The following RFFL variants were observed in gnomAD, a reference collection of about 807,000 sequenced individuals.
RFFL encodes the protein E3 ubiquitin-protein ligase rififylin.
RFFL carries 16 observed loss-of-function variants against 40.4 expected under a neutral mutation model. That is an observed-to-expected ratio of 0.40 (90% CI 0.27 to 0.60). The LOEUF (loss-of-function observed/expected upper bound fraction) is 0.60. RFFL is among the 20% of genes least tolerant of loss of function. The pLI, the probability that RFFL is intolerant of heterozygous loss-of-function variation, is 0.47. For missense variants in RFFL, 367 were observed against 451.7 expected (o/e 0.81, Z 1.70); for synonymous variants, 154 against 167.9 (o/e 0.92, Z 0.64).
chr17:35,037,285 A>G (rs1007197903), intron 1 of RFFL, among the ~76,000 whole-genome samples: 1 of 152,238 alleles, frequency 6.6e-6, no homozygotes, highest in African/African-American at 2.4e-5. Flanking sequence ...TATTTCTGGA[A>G]TGGTTAAAAG....
At chr17:35,058,846 T>A (rs982188885) in intron 1 of RFFL, among the ~76,000 whole-genome samples, 1 of 151,988 alleles carries the variant, frequency 6.6e-6, no homozygotes, top group Non-Finnish European at 1.5e-5. Flanking sequence ...CCTCTATCCT[T>A]TAGAGGTGAA....
intron 1 of RFFL, among the ~76,000 whole-genome samples, chr17:35,045,308 C>CTG (rs1031541925): frequency 4.6e-5 from 7 of 152,024 alleles, no homozygotes; most frequent in African/African-American, 1.7e-4. Context: ...TCTCAGATCA[C>CTG]TGCAACCTCC....
intron 1 of RFFL, among the ~76,000 whole-genome samples, chr17:35,060,258 C>T (rs1037979662): frequency 1.3e-5 from 2 of 152,220 alleles, no homozygotes; most frequent in Non-Finnish European, 2.9e-5. Context: ...ACAACCAGGG[C>T]CTTCCCATAG....
chr17:35,088,329 T>TC (rs1294118567), intron 1 of RFFL, among the ~76,000 whole-genome samples: 3 of 151,948 alleles, frequency 2.0e-5, no homozygotes, highest in East Asian at 3.9e-4. Context: ...GCAGTCTTCT[T>TC]CCCCCCTAGA....
chr17:35,054,598 CTTTA>C (rs1321718724), intron 1 of RFFL, among the ~76,000 whole-genome samples: 1 of 150,080 alleles, frequency 6.7e-6, no homozygotes, highest in East Asian at 2.0e-4. Context: ...AATCAGAAGA[CTTTA>C]TTTAACTGGG....
chr17:35,064,958 G>A (rs1200000102), upstream of RFFL, among the ~76,000 whole-genome samples: 1 of 152,106 alleles, frequency 6.6e-6, no homozygotes, highest in Non-Finnish European at 1.5e-5. Flanking sequence ...CTTTGATAAG[G>A]TATTATAAAA....
intron 1 of RFFL, among the ~76,000 whole-genome samples, chr17:35,063,129 T>C (rs2091302809): frequency 6.6e-6 from 1 of 152,150 alleles, no homozygotes. Context: ...AGTGATTTAA[T>C]TGGACCTAAC....
At chr17:35,033,401 G>A (rs1464401158) in intron 1 of RFFL, among the ~76,000 whole-genome samples, 3 of 151,754 alleles carry the variant, frequency 2.0e-5, no homozygotes, top group East Asian at 1.9e-4. Context: ...GGTAGCACGC[G>A]CCTGTAATCC....
chr17:35,041,019 C>T (rs1031547797), intron 1 of RFFL, among the ~76,000 whole-genome samples: 4 of 151,826 alleles, frequency 2.6e-5, no homozygotes, highest in African/African-American at 9.7e-5. Context: ...TCTGGGATTA[C>T]AGGTGTGAGC....
chr17:35,011,574 T>C lies in RFFL; in HGVS notation c.*394A>G, dbSNP rs1169949143. The C allele has an allele frequency of 1.1e-5, 2 of 174,258 alleles. No individual in the cohort carries two copies. The highest frequency in any genetic ancestry group is 2.4e-5 in the African/African-American group (1 of 42,264). The allele number at this position is 174,258 out of a possible 1,614,324, so 10.8% of individuals were successfully genotyped here. A position where few individuals can be genotyped will look rare whatever the true frequency, so the allele number is the denominator to read the frequency against. ...ATGTGCTGGGGAGGAGGACTTCTGATTGATGAAACACATGGGCAAGCATCT... is the reference window on the plus strand; with the variant it reads ...ATGTGCTGGGGAGGAGGACTTCTGACTGATGAAACACATGGGCAAGCATCT... On this transcript the variant is annotated 3_prime_UTR_variant, in exon 7 of 7. Transcript: ENST00000394597.
intron 1 of RFFL, among the ~76,000 whole-genome samples, chr17:35,070,363 T>A (rs1030569170): frequency 6.6e-6 from 1 of 152,008 alleles, no homozygotes; most frequent in African/African-American, 2.4e-5. Context: ...AGAGATGGGG[T>A]CTCAATATGG....
chr17:35,053,602 G>C (rs1207315324), intron 1 of RFFL, among the ~76,000 whole-genome samples: 2 of 152,136 alleles, frequency 1.3e-5, no homozygotes, highest in African/African-American at 4.8e-5. Flanking sequence ...AGAGAGCTTG[G>C]TTTCCTCATT....
intron 1 of RFFL, among the ~76,000 whole-genome samples, chr17:35,086,518 A>C (rs1271512224): frequency 1.3e-5 from 2 of 152,096 alleles, no homozygotes; most frequent in African/African-American, 4.8e-5. Context: ...ACAATTGCCA[A>C]AATCTTTCTT....
At chr17:35,035,136 G>A (rs575886474) in intron 1 of RFFL, among the ~76,000 whole-genome samples, 2 of 152,266 alleles carry the variant, frequency 1.3e-5, no homozygotes, top group South Asian at 2.1e-4. Context: ...CTGGCTGGGC[G>A]CGGTGGCTCA....
intron 1 of RFFL, among the ~76,000 whole-genome samples, chr17:35,059,577 C>T (rs1301819743): frequency 6.6e-6 from 1 of 152,208 alleles, no homozygotes; most frequent in East Asian, 1.9e-4. Context: ...CAATAGACAA[C>T]TGAAACAGTC....
Position 35,012,094 on chromosome 17 carries a change from T to A in RFFL, c.966A>T (p.Ser322=). 13 of 1,614,124 alleles carry A rather than the reference T, an allele frequency of 8.1e-6. No homozygotes were observed. Among genetic ancestry groups the A allele is most frequent in the Non-Finnish European group, 1.1e-5 (13 of 1,180,024 alleles). ...EENLCKICMD[S]PIDCVLLECG... The stretch of plus-strand genomic sequence containing the variant: ...ACTCCAGAAGAACACAGTCAATGGG[T>A]GAGTCCATGCAGATCTTACACAGGT... Residue 322 remains serine (S), a synonymous_variant, in exon 7 of 7, where the codon TCA becomes TCT. Coordinates refer to ENST00000394597, the MANE Select transcript of RFFL (RefSeq NM_001017368.2).
chr17:35,026,285 A>C lies in RFFL; in HGVS notation c.180+89T>G, dbSNP rs16970557. ...GTCACCAGCATCACACAGGGAAAGG[A>C]AAGGTTGCAGGCATTCAGAGGGGTC... On this transcript the variant is annotated intron_variant, in intron 2 of 6. Transcript: ENST00000394597. 5.2e-3 allele frequency: 6,789 copies of C among 1,296,038 alleles called. 280 individuals carry two copies. In the African/African-American group the frequency reaches 0.089, roughly 17 times the overall value. 80.3% of individuals were successfully genotyped at this position (1,296,038 alleles called of 1,614,324 possible). A position where few individuals can be genotyped will look rare whatever the true frequency, so the allele number is the denominator to read the frequency against.
chr17:35,012,867 T>C (rs1038452278), intron 6 of RFFL, among the ~76,000 whole-genome samples: 2 of 152,256 alleles, frequency 1.3e-5, no homozygotes, highest in African/African-American at 2.4e-5. Context: ...ATTCAACATA[T>C]TCAATCAATT....
At chr17:35,029,429 C>T (rs1414912132) in intron 1 of RFFL, among the ~76,000 whole-genome samples, 6 of 150,478 alleles carry the variant, frequency 4.0e-5, no homozygotes, top group African/African-American at 1.5e-4. Context: ...CTGAAACCGC[C>T]GCCTCCCAGG....
Sources: allele counts gnomAD v4.1 joint callset (sites outside exome capture counted in the v4.1 genomes callset), GRCh38; gene constraint gnomAD v4.1.1; transcripts MANE v1.5; gene names NCBI Gene and HGNC (gene_info 2026-07-23, HGNC 2026-07-21).